Variants in RBFOX1 observed in about 807,000 individuals in gnomAD.
RBFOX1 encodes the protein RNA binding protein fox-1 homolog 1.
Under a neutral mutation model 57.7 loss-of-function variants are expected in RBFOX1, and 8 were observed. The observed-to-expected ratio is 0.14, with a 90% CI of 0.08 to 0.25. The LOEUF is 0.25. Ranked by LOEUF, RBFOX1 falls within the 10% of genes least tolerant of loss-of-function variation. The pLI, the probability that RBFOX1 is intolerant of heterozygous loss-of-function variation, is 1.00. For synonymous variants in RBFOX1, 326 were observed against 222.4 expected, an observed-to-expected ratio of 1.47 and a Z score of -4.15; for missense variants, 611 against 548.5, an observed-to-expected ratio of 1.11 and a Z score of -1.14.
At chr16:5,959,880 C>T (rs1436228529) in intron 4 of RBFOX1, among the ~76,000 whole-genome samples, 1 of 152,142 alleles carries the variant, frequency 6.6e-6, no homozygotes, top group Non-Finnish European at 1.5e-5. Context: ...CTCTCCCCAT[C>T]CAGCTACCAA....
intron 13 of RBFOX1, among the ~76,000 whole-genome samples, chr16:7,665,409 T>C (rs2068947057): frequency 6.6e-6 from 1 of 152,186 alleles, no homozygotes; most frequent in South Asian, 2.1e-4. Flanking sequence ...ACAGTAGCCT[T>C]AGGAACACTC....
chr16:7,341,452 G>A (rs192296167), intron 4 of RBFOX1, among the ~76,000 whole-genome samples: 27 of 152,220 alleles, frequency 1.8e-4, no homozygotes, highest in Non-Finnish European at 2.4e-4. Flanking sequence ...CCCAGTCTCC[G>A]TCCTCAGAGG....
chr16:5,819,630 C>A (rs78863759), intron 3 of RBFOX1, among the ~76,000 whole-genome samples: 2 of 152,210 alleles, frequency 1.3e-5, no homozygotes, highest in East Asian at 3.9e-4. Flanking sequence ...TGACGCTGGA[C>A]TACTTGACAT....
At position 6,387,132 on chromosome 16, in the gene RBFOX1, C is replaced by T. The variant is rs371271182; in HGVS notation, c.-64+70075C>T. Among the ~76,000 whole-genome samples, 7 of 152,238 alleles carry T rather than the reference C, an allele frequency of 4.6e-5. No homozygotes were observed. In the East Asian group the frequency reaches 1.2e-3, roughly 25 times the overall value. On this transcript the variant is annotated intron_variant, in intron 2 of 15. Coordinates refer to ENST00000550418, the MANE Select transcript of RBFOX1 (RefSeq NM_018723.4). The stretch of plus-strand genomic sequence containing the variant: ...CCATTCAATGAACTTCAAATCCATG[C>T]CTTTTAGGGTTGGTGACCCTGAAGG...
chr16:6,695,372 C>T (rs190416517), intron 3 of RBFOX1, among the ~76,000 whole-genome samples: 31 of 130,202 alleles, frequency 2.4e-4, no homozygotes, highest in African/African-American at 7.5e-4. Context: ...CCTGAGATTG[C>T]GCCGCTTCAC....
intron 1 of RBFOX1, among the ~76,000 whole-genome samples, chr16:5,327,848 T>G (rs887528042): frequency 5.9e-5 from 9 of 152,328 alleles, no homozygotes; most frequent in South Asian, 2.1e-4. Context: ...AGTTAAAACA[T>G]CTCTTTGTAA....
chr16:7,168,113 G>T (rs530024532), intron 4 of RBFOX1, among the ~76,000 whole-genome samples: 2 of 152,330 alleles, frequency 1.3e-5, no homozygotes, highest in South Asian at 2.1e-4. Flanking sequence ...ATTCAAGGAA[G>T]CAAAATGGTT....
intron 5 of RBFOX1, among the ~76,000 whole-genome samples, chr16:7,539,454 G>A (rs1940430090): frequency 6.6e-6 from 1 of 152,134 alleles, no homozygotes; most frequent in African/African-American, 2.4e-5. Flanking sequence ...GTGGAACACG[G>A]GATAATATAA....
intron 4 of RBFOX1, among the ~76,000 whole-genome samples, chr16:7,371,778 T>C (rs1465483879): frequency 2.0e-5 from 3 of 152,152 alleles, no homozygotes; most frequent in African/African-American, 7.2e-5. Flanking sequence ...TATGTAGATA[T>C]ATGATACATA....
intron 4 of RBFOX1, among the ~76,000 whole-genome samples, chr16:7,366,373 G>T (rs1350699383): frequency 1.3e-5 from 2 of 152,208 alleles, no homozygotes; most frequent in African/African-American, 4.8e-5. Context: ...CGAAGGCTGT[G>T]CATGTTTCCA....
intron 2 of RBFOX1, among the ~76,000 whole-genome samples, chr16:5,470,741 T>G (rs2069107079): frequency 6.6e-6 from 1 of 152,118 alleles, no homozygotes; most frequent in South Asian, 2.1e-4. Context: ...AGCTGGGATT[T>G]GAACCCTGGT....
At position 7,008,462 on chromosome 16, in the gene RBFOX1, C is replaced by G. The variant is rs1438634795; in HGVS notation, c.-15-43595C>G. The stretch of plus-strand genomic sequence containing the variant: ...GTCAGAGGCAGCAGAATCGCTTGAA[C>G]CTAGGAAGCAAAGGTTGCAGTGATC... On this transcript the variant is annotated intron_variant, in intron 3 of 15. Transcript: ENST00000550418. Among the ~76,000 whole-genome samples the G allele has an allele frequency of 2.6e-5, 4 of 151,960 alleles. No individual in the cohort carries two copies. The East Asian group carries it at 5.8e-4, about 22-fold the overall frequency.
intron 4 of RBFOX1, among the ~76,000 whole-genome samples, chr16:7,214,656 G>T (rs2091731561): frequency 6.6e-6 from 1 of 151,974 alleles, no homozygotes; most frequent in Non-Finnish European, 1.5e-5. Context: ...CTCTTCTGTG[G>T]CTGCTCTGAG....
chr16:5,805,408 G>C (rs997718344), intron 3 of RBFOX1, among the ~76,000 whole-genome samples: 1 of 152,168 alleles, frequency 6.6e-6, no homozygotes, highest in African/African-American at 2.4e-5. Flanking sequence ...TGTGAATTCT[G>C]ATCCTCAATT....
chr16:5,407,615 C>T (rs142615297), intron 1 of RBFOX1, among the ~76,000 whole-genome samples: 2,634 of 152,156 alleles, frequency 0.017, 73 homozygotes, highest in African/African-American at 0.06. Context: ...GTGGCATGGT[C>T]TTGGCTTACT....
intron 3 of RBFOX1, among the ~76,000 whole-genome samples, chr16:5,793,753 G>C (rs1011992320): frequency 3.3e-5 from 5 of 152,070 alleles, no homozygotes; most frequent in Non-Finnish European, 5.9e-5. Flanking sequence ...TCGTGTGTGT[G>C]TGTGCATGCA....
chr16:7,630,719 C>A (rs1195742662), intron 11 of RBFOX1, 36 bp downstream of exon 11: 17 of 1,612,732 alleles, frequency 1.1e-5, no homozygotes, highest in Non-Finnish European at 1.4e-5. Flanking sequence ...TGTTTTGTGA[C>A]ATAAATCTGA....
At chr16:7,053,330 T>G (rs2050755721) in intron 4 of RBFOX1, among the ~76,000 whole-genome samples, 1 of 152,226 alleles carries the variant, frequency 6.6e-6, no homozygotes, top group Non-Finnish European at 1.5e-5. Flanking sequence ...CGACATTCGT[T>G]GTGACCCTTT....
intron 3 of RBFOX1, among the ~76,000 whole-genome samples, chr16:6,921,763 A>T (rs113825276): frequency 6.7e-6 from 1 of 150,344 alleles, no homozygotes; most frequent in Non-Finnish European, 1.5e-5. Flanking sequence ...GTGTGTATAT[A>T]TATGAAGATG....
Sources: allele counts gnomAD v4.1 joint callset (sites outside exome capture counted in the v4.1 genomes callset), GRCh38; gene constraint gnomAD v4.1.1; transcripts MANE v1.5; gene names NCBI Gene and HGNC (gene_info 2026-07-23, HGNC 2026-07-21).